Variants in P4HA2 observed in about 807,000 individuals in gnomAD.
P4HA2 encodes prolyl 4-hydroxylase subunit alpha 2.
In P4HA2, 46 loss-of-function variants were observed where a neutral mutation model predicts 76.9. The ratio of observed to expected loss-of-function variants is 0.60; its 90% CI spans 0.47 to 0.76. The LOEUF (loss-of-function observed/expected upper bound fraction) is 0.76. Ranked by LOEUF, P4HA2 falls within the 30% of genes least tolerant of loss-of-function variation. P4HA2 has a pLI of 0.00. For synonymous variants in P4HA2, 243 were observed against 254.0 expected, an observed-to-expected ratio of 0.96 and a Z score of 0.41; for missense variants, 583 against 669.4, an observed-to-expected ratio of 0.87 and a Z score of 1.42.
chr5:132,212,616 C>T (rs1753242485), intron 5 of P4HA2, among the ~76,000 whole-genome samples: 2 of 152,124 alleles, frequency 1.3e-5, no homozygotes, highest in African/African-American at 2.4e-5. Context: ...CAAAGGCATC[C>T]GTCTACACTG....
chr5:132,217,074 G>T, intron 4 of P4HA2, 123 bp downstream of exon 4: 1 of 855,354 alleles, frequency 1.2e-6, no homozygotes, highest in Non-Finnish European at 1.8e-6. Flanking sequence ...GACCAGCAGG[G>T]TCCTGTTTCC....
chr5:132,210,268 C>T lies in P4HA2; in HGVS notation c.709+16G>A, dbSNP rs1442585209. The T allele has an allele frequency of 2.5e-6, 4 of 1,613,712 alleles. No homozygotes were observed. The highest frequency in any genetic ancestry group is 2.7e-5 in the African/African-American group (2 of 74,918). On this transcript the variant is annotated intron_variant, in intron 6 of 14. Coordinates refer to ENST00000360568, the MANE Select transcript of P4HA2 (RefSeq NM_001017974.2). ...ACTCTCCATTCCCATCTTACCTTCC[C>T]CTAGAATCTCCTTACCAAGGGAGAG...
chr5:132,206,294 G>C (rs1057063505), intron 8 of P4HA2, among the ~76,000 whole-genome samples: 2 of 152,156 alleles, frequency 1.3e-5, no homozygotes, highest in African/African-American at 4.8e-5. Context: ...GAGCTGAGTA[G>C]AAAGGGGAGT....
rs1470141212 is a variant in P4HA2 at position 132,218,632 on chromosome 5, C to T, written c.-6G>A. On this transcript the variant is annotated 5_prime_UTR_variant, in exon 2 of 15. It adds an upstream start codon to the 5' untranslated region. Transcript: ENST00000360568. The stretch of plus-strand genomic sequence containing the variant: ...GCAGACACCCAGAGTTTCATGGTCA[C>T]AGAGGGAAGTGTCTGAAAGGCATTC... 3.7e-6 allele frequency: 6 copies of T among 1,610,568 alleles called. No homozygotes were observed. The highest frequency in any genetic ancestry group is 5.1e-6 in the Non-Finnish European group (6 of 1,176,796).
At position 132,193,301 on chromosome 5, in the gene P4HA2, G is replaced by A. The variant is rs188480026; in HGVS notation, c.1532-221C>T. ...CAGTGGGACAAGATACATGTGTGCA[G>A]GTTGCCATGGGAATAGCACCCAAGG... is the stretch of plus-strand genomic sequence containing the variant. On this transcript the variant is annotated intron_variant, in intron 14 of 14. Transcript: ENST00000360568. 816 of 472,012 alleles carry A rather than the reference G, an allele frequency of 1.7e-3. 4 individuals carry two copies. The highest frequency in any genetic ancestry group is 7.4e-3 in the Middle Eastern group (22 of 2,992). 29.2% of individuals were successfully genotyped at this position (472,012 alleles called of 1,614,324 possible). A position where few individuals can be genotyped will look rare whatever the true frequency, so the allele number is the denominator to read the frequency against.
chr5:132,198,769 G>A, intron 11 of P4HA2, 110 bp downstream of exon 11: 1 of 773,690 alleles, frequency 1.3e-6, no homozygotes, highest in Admixed American at 1.9e-5. Context: ...GTGGAGGGAG[G>A]ACAAGGGGTG....
intron 1 of P4HA2, among the ~76,000 whole-genome samples, chr5:132,226,405 C>T (rs2126646642): frequency 6.6e-6 from 1 of 152,318 alleles, no homozygotes; most frequent in South Asian, 2.1e-4. Flanking sequence ...TCGGGTGTCA[C>T]TCTACAGCAA....
intron 4 of P4HA2, among the ~76,000 whole-genome samples, chr5:132,216,191 AGT>A (rs1753869260): frequency 6.9e-6 from 1 of 145,202 alleles, no homozygotes; most frequent in Non-Finnish European, 1.5e-5. Flanking sequence ...AAAAAAAGTC[AGT>A]GAGTCCAGGG....
chr5:132,195,349 G>A, intron 13 of P4HA2, 63 bp downstream of exon 13: 1 of 1,202,160 alleles, frequency 8.3e-7, no homozygotes, highest in Non-Finnish European at 1.2e-6. Context: ...GGTACTGGGG[G>A]ACATGGACAA....
chr5:132,193,117 G>A, intron 14 of P4HA2, 37 bp from the exon 15 acceptor site: 1 of 1,450,164 alleles, frequency 6.9e-7, no homozygotes, highest in Non-Finnish European at 9.7e-7. Flanking sequence ...AATCCTATTG[G>A]TCAGTTTAGT....
chr5:132,209,817 T>C (rs1195685465), intron 6 of P4HA2, among the ~76,000 whole-genome samples: 1 of 149,752 alleles, frequency 6.7e-6, no homozygotes, highest in Non-Finnish European at 1.5e-5. Flanking sequence ...GGCACAGTGC[T>C]TTTGGCCTTC....
chr5:132,225,094 G>C (rs1272988006), intron 1 of P4HA2, among the ~76,000 whole-genome samples: 1 of 146,672 alleles, frequency 6.8e-6, no homozygotes, highest in Non-Finnish European at 1.5e-5. Flanking sequence ...CTCATTCCAT[G>C]TCCGTAACAC....
intron 1 of P4HA2, chr5:132,227,241 C>A (rs1049692342): frequency 5.9e-5 from 9 of 152,296 alleles, no homozygotes; most frequent in African/African-American, 2.2e-4. Flanking sequence ...AAAAACAACG[C>A]TGGTTCCACA....
Position 132,209,032 on chromosome 5 carries a change from T to C in P4HA2, c.903+106A>G. 7.7e-6 allele frequency: 6 copies of C among 784,298 alleles called. No homozygotes were observed. The South Asian group carries it at 1.0e-4, about 14-fold the overall frequency. The allele number at this position is 784,298 out of a possible 1,614,324, so 48.6% of individuals were successfully genotyped here. ...TGCCATGAAAAACTGGGGGATATAC[T>C]GAGAAAAGTACCTACAGAATAAAGA... On this transcript the variant is annotated intron_variant, in intron 7 of 14. Coordinates refer to ENST00000360568, the MANE Select transcript of P4HA2 (RefSeq NM_001017974.2).
At chr5:132,217,150 C>T (rs200538051) in intron 4 of P4HA2, 47 bp downstream of exon 4, 17 of 1,582,958 alleles carry the variant, frequency 1.1e-5, no homozygotes, top group African/African-American at 2.7e-5. Flanking sequence ...CAGGCATGAG[C>T]ACACAAACAT....
In P4HA2 at chr5:132,218,636, G is replaced by C. The variant is rs1194632753; in HGVS notation, c.-10C>G. 6.2e-7 allele frequency: 1 copy of C among 1,608,114 alleles called. No individual in the cohort carries two copies. The highest frequency in any genetic ancestry group is 8.5e-7 in the Non-Finnish European group (1 of 1,174,610). ...ACACCCAGAGTTTCATGGTCACAGA[G>C]GGAAGTGTCTGAAAGGCATTCAATG... On this transcript the variant is annotated 5_prime_UTR_variant, in exon 2 of 15. Coordinates refer to ENST00000360568, the MANE Select transcript of P4HA2 (RefSeq NM_001017974.2).
At chr5:132,209,614 C>T (rs1752768306) in intron 6 of P4HA2, among the ~76,000 whole-genome samples, 1 of 152,070 alleles carries the variant, frequency 6.6e-6, no homozygotes, top group African/African-American at 2.4e-5. Context: ...AAAACCTCAT[C>T]TCTACTAAAG....
At chr5:132,208,142 A>C (rs1366928532) in intron 7 of P4HA2, among the ~76,000 whole-genome samples, 1 of 151,070 alleles carries the variant, frequency 6.6e-6, no homozygotes, top group Admixed American at 6.6e-5. Context: ...GTCTCTAAAA[A>C]ATTAGCCAGG....
At chr5:132,225,932 T>C (rs1020667223) in intron 1 of P4HA2, among the ~76,000 whole-genome samples, 1 of 152,148 alleles carries the variant, frequency 6.6e-6, no homozygotes, top group African/African-American at 2.4e-5. Context: ...ACTCACTCCA[T>C]CCTTGCTACG....
Sources: allele counts gnomAD v4.1 joint callset (sites outside exome capture counted in the v4.1 genomes callset), GRCh38; gene constraint gnomAD v4.1.1; transcripts MANE v1.5; gene names NCBI Gene and HGNC (gene_info 2026-07-23, HGNC 2026-07-21).